The following GPAM variants were observed in gnomAD, a reference collection of about 807,000 sequenced individuals.
GPAM encodes glycerol-3-phosphate acyltransferase, mitochondrial, also known as glycerol-3-phosphate acyltransferase 1, mitochondrial.
GPAM carries 56 observed loss-of-function variants against 105.0 expected under a neutral mutation model. That is an observed-to-expected ratio of 0.53 (90% CI 0.43 to 0.67). The LOEUF is 0.67. Ranked by LOEUF, GPAM falls within the 30% of genes least tolerant of loss-of-function variation. The probability of loss-of-function intolerance (pLI) is 0.00; values close to 1 mark genes in which losing one functional copy is unlikely to be tolerated. For synonymous variants in GPAM, 368 were observed against 354.4 expected, an observed-to-expected ratio of 1.04 and a Z score of -0.43; for missense variants, 855 against 989.8, an observed-to-expected ratio of 0.86 and a Z score of 1.83.
chr10:112,208,751 T>G (rs1286550379), intron 1 of GPAM, among the ~76,000 whole-genome samples: 3 of 152,178 alleles, frequency 2.0e-5, no homozygotes, highest in Non-Finnish European at 4.4e-5. Context: ...ATGTTAAAAT[T>G]AAATTAAACA....
At chr10:112,189,244 T>C (rs920731201) in intron 1 of GPAM, among the ~76,000 whole-genome samples, 5 of 152,240 alleles carry the variant, frequency 3.3e-5, no homozygotes, top group Admixed American at 6.5e-5. Flanking sequence ...TGACCTACTT[T>C]TCTTTGGGCT....
intron 1 of GPAM, among the ~76,000 whole-genome samples, chr10:112,192,201 T>C (rs1438669947): frequency 6.6e-6 from 1 of 152,194 alleles, no homozygotes; most frequent in Non-Finnish European, 1.5e-5. Context: ...CATTCGTTTA[T>C]CCATTCATTC....
chr10:112,168,859 G>A lies in GPAM; in HGVS notation c.888C>T (p.Leu296=), dbSNP rs764846168. ...AATTAGAGATCACACATACCCCATG[G>A]AGCAAAGCTCTATAGAGAACATCTT... The part of the protein sequence containing the change: ...GRKDVLYRAL[L]HGHIVELLRQ... Residue 296 remains leucine, a synonymous_variant, in exon 10 of 22, where the codon CTC becomes CTT. Coordinates refer to ENST00000348367, the MANE Select transcript of GPAM (RefSeq NM_001244949.2). 2.5e-6 allele frequency: 4 copies of A among 1,585,266 alleles called. No individual in the cohort carries two copies. In the East Asian group the frequency reaches 6.7e-5, roughly 27 times the overall value.
At chr10:112,190,859 C>G (rs984861581) in intron 1 of GPAM, among the ~76,000 whole-genome samples, 1 of 152,006 alleles carries the variant, frequency 6.6e-6, no homozygotes, top group African/African-American at 2.4e-5. Flanking sequence ...AATGCTACAC[C>G]AAGAAAAGTG....
intron 2 of GPAM, 133 bp downstream of exon 2, chr10:112,182,661 C>T (rs1416853525): frequency 6.6e-6 from 1 of 152,222 alleles, no homozygotes; most frequent in Non-Finnish European, 1.5e-5. Flanking sequence ...AAGGCATATT[C>T]CAATTTCTTT....
intron 1 of GPAM, among the ~76,000 whole-genome samples, chr10:112,193,754 A>G (rs1167940462): frequency 6.6e-6 from 1 of 152,164 alleles, no homozygotes; most frequent in African/African-American, 2.4e-5. Flanking sequence ...ACATTATGAT[A>G]ATTGTTTTTA....
rs555218705 is a variant in GPAM, at chr10:112,164,667, A to G, written c.1222-57T>C. 22 of 904,088 alleles carry G rather than the reference A, an allele frequency of 2.4e-5. No individual in the cohort carries two copies. In the East Asian group the frequency reaches 5.0e-4, roughly 21 times the overall value. 56.0% of individuals were successfully genotyped at this position (904,088 alleles called of 1,614,324 possible). On this transcript the variant is annotated intron_variant, in intron 12 of 21. Coordinates refer to ENST00000348367, the MANE Select transcript of GPAM (RefSeq NM_001244949.2). ...CCTCACTTTCGCACCAACATATAAAATGTAATTTCATCTTCCAAAGGTTAA... is the reference window on the plus strand; with the variant it reads ...CCTCACTTTCGCACCAACATATAAAGTGTAATTTCATCTTCCAAAGGTTAA...
At chr10:112,185,508 C>CCAAA (rs1847582296), upstream of GPAM, among the ~76,000 whole-genome samples, 1 of 139,174 alleles carries the variant, frequency 7.2e-6, no homozygotes, top group Non-Finnish European at 1.6e-5. Flanking sequence ...AAGACACAAA[C>CCAAA]CAAACATCTA....
In GPAM at chr10:112,200,167, AATATATATATATATATAT is replaced by A. The variant is rs10528337; in HGVS notation, n.210+14983_210+15000del. 2.3e-3 allele frequency among the ~76,000 whole-genome samples: 203 copies of A among 87,194 alleles called. 2 individuals are homozygous for A. The highest frequency in any genetic ancestry group is 8.4e-3 in the South Asian group (16 of 1,908). The allele number at this position is 87,194 out of a possible 152,430, so 57.2% of individuals were successfully genotyped here. On this transcript the variant is annotated intron_variant and non_coding_transcript_variant, in intron 1 of 3. Transcript: ENST00000480130. ...ACACATATTTACACATTGTAAAGGA[AATATATATATATATATAT>A]ATATATATATATATATATATATATT... is the stretch of plus-strand genomic sequence containing the variant.
At chr10:112,203,204 G>A (rs1266206015) in intron 1 of GPAM, among the ~76,000 whole-genome samples, 1 of 152,144 alleles carries the variant, frequency 6.6e-6, no homozygotes, top group African/African-American at 2.4e-5. Flanking sequence ...CCCTTCTCTG[G>A]GGTAGCCCTA....
chr10:112,214,774 C>T (rs903824283), intron 1 of GPAM, among the ~76,000 whole-genome samples: 7 of 152,202 alleles, frequency 4.6e-5, no homozygotes, highest in East Asian at 3.8e-4. Context: ...GATTTGGTGA[C>T]GTTTCAAGCT....
chr10:112,214,523 A>G (rs1222116259), intron 1 of GPAM: 1 of 152,320 alleles, frequency 6.6e-6, no homozygotes, highest in Admixed American at 6.5e-5. Context: ...ACAGTGAGAA[A>G]GTCCTTTGAC....
upstream of GPAM, among the ~76,000 whole-genome samples, chr10:112,220,210 A>T (rs542628242): frequency 5.9e-5 from 9 of 152,276 alleles, 1 homozygote; most frequent in East Asian, 1.7e-3. Context: ...CCAACCAATC[A>T]GCAGCACCCA....
intron 1 of GPAM, chr10:112,214,319 C>T (rs571391763): frequency 1.4e-4 from 21 of 152,210 alleles, no homozygotes; most frequent in South Asian, 6.2e-4. Flanking sequence ...ACTGACATAC[C>T]GTAAAAACAT....
intron 21 of GPAM, 121 bp from the exon 22 acceptor site, chr10:112,153,787 T>C (rs1245625566): frequency 8.9e-7 from 1 of 1,123,292 alleles, no homozygotes; most frequent in Non-Finnish European, 1.3e-6. Context: ...AAAAACCATA[T>C]CCTGGCATTA....
At chr10:112,224,841 C>T in the GPAM span, among the ~76,000 whole-genome samples, 11 of 152,100 alleles carry the variant, frequency 7.2e-5, no homozygotes, top group Non-Finnish European at 1.6e-4. Flanking sequence ...AGCCATGGAG[C>T]TCTCGGCAGG....
rs151165180 is a variant in GPAM, at chr10:112,183,313, G to A, written c.-128+380C>T. Among the ~76,000 whole-genome samples the A allele has an allele frequency of 3.5e-3, 529 of 152,342 alleles. 5 individuals carry two copies. The highest frequency in any genetic ancestry group is 0.011 in the African/African-American group (464 of 41,582). ...AGCGCTCAGTCCAATCAATGGTAAC[G>A]CTGTCATTAATTATCTCCAGCATAC... On this transcript the variant is annotated intron_variant, in intron 1 of 21. Coordinates refer to ENST00000348367, the MANE Select transcript of GPAM (RefSeq NM_001244949.2).
Position 112,151,953 on chromosome 10 carries a change from T to C in GPAM, c.*1597A>G. ...CAATTCCTATAAAGAAAAAATATAT[T>C]TTAAATGCAGAACTTGAGAGGGATC... On this transcript the variant is annotated 3_prime_UTR_variant, in exon 22 of 22. Transcript: ENST00000348367. 2.0e-6 allele frequency: 2 copies of C among 981,586 alleles called. No homozygotes were observed. The highest frequency in any genetic ancestry group is 2.4e-6 in the Non-Finnish European group (2 of 826,508). The allele number at this position is 981,586 out of a possible 1,614,324, so 60.8% of individuals were successfully genotyped here.
chr10:112,160,605 T>G lies in GPAM; in HGVS notation c.1758A>C (p.Ile586=). The part of the protein sequence containing the change: ...VLHVFIMEAI[I]ACSLYAVLNK... Reference sequence around the variant, plus strand: ...AAAATATTTCAAGGTCTGACATACCTATGATGGCCTCCATGATAAAGACAT... The same window carrying G: ...AAAATATTTCAAGGTCTGACATACCGATGATGGCCTCCATGATAAAGACAT... Residue 586 remains isoleucine, a splice_region_variant and synonymous_variant, in exon 16 of 22, where the codon ATA becomes ATC. Coordinates refer to ENST00000348367, the MANE Select transcript of GPAM (RefSeq NM_001244949.2). The G allele has an allele frequency of 6.2e-7, 1 of 1,612,106 alleles. No homozygotes were observed. Among genetic ancestry groups the G allele is most frequent in the South Asian group, 1.1e-5 (1 of 91,044 alleles).
Sources: allele counts gnomAD v4.1 joint callset (sites outside exome capture counted in the v4.1 genomes callset), GRCh38; gene constraint gnomAD v4.1.1; transcripts MANE v1.5; gene names NCBI Gene and HGNC (gene_info 2026-07-23, HGNC 2026-07-21).